Variants in MEI4 observed in about 807,000 individuals in gnomAD.
MEI4 encodes meiosis-specific protein MEI4.
A neutral mutation model predicts 31.4 loss-of-function variants in MEI4; 27 were observed. The observed-to-expected ratio is 0.86, with a 90% CI of 0.63 to 1.19. The LOEUF is 1.19. Ranked by LOEUF, MEI4 falls within the 50% of genes most tolerant of loss-of-function variation. The pLI, the probability that MEI4 is intolerant of heterozygous loss-of-function variation, is 0.00. For synonymous variants in MEI4, 122 were observed against 145.4 expected (o/e 0.84, Z 1.16); for missense variants, 329 against 398.9 (o/e 0.82, Z 1.49).
intron 4 of MEI4, among the ~76,000 whole-genome samples, chr6:77,883,973 A>T (rs1018958749): frequency 6.6e-6 from 1 of 151,612 alleles, no homozygotes; most frequent in African/African-American, 2.4e-5. Flanking sequence ...GACTATCCAG[A>T]TTTACATTCC....
At chr6:77,750,234 A>G (rs757221629) in intron 2 of MEI4, among the ~76,000 whole-genome samples, 6 of 152,216 alleles carry the variant, frequency 3.9e-5, no homozygotes, top group Non-Finnish European at 8.8e-5. Flanking sequence ...AGAAACAGCT[A>G]GCATCATAGT....
Position 77,746,578 on chromosome 6 carries a change from C to T in MEI4, c.233-14552C>T, listed in dbSNP as rs549056781. Among the ~76,000 whole-genome samples the T allele has an allele frequency of 2.6e-5, 4 of 151,908 alleles. No homozygotes were observed. The South Asian group carries it at 8.3e-4, about 32-fold the overall frequency. ...AGCTTGCTGACTGCAGATCTTGGTA[C>T]TTCTCAGCCTCCATGCTTGCTTCAG... is the stretch of plus-strand genomic sequence containing the variant. On this transcript the variant is annotated intron_variant, in intron 2 of 4. Transcript: ENST00000684080.
intron 4 of MEI4, among the ~76,000 whole-genome samples, chr6:77,921,861 A>G (rs1766710950): frequency 1.3e-5 from 2 of 151,802 alleles, no homozygotes; most frequent in African/African-American, 4.8e-5. Context: ...GGTTTGTGGT[A>G]TCTCAAAACA....
intron 4 of MEI4, among the ~76,000 whole-genome samples, chr6:77,840,994 G>A (rs1397563889): frequency 6.6e-6 from 1 of 152,038 alleles, no homozygotes; most frequent in Non-Finnish European, 1.5e-5. Context: ...TAGAACCTGT[G>A]AAAGAAATGC....
At chr6:77,696,194 A>G (rs1766035203) in intron 2 of MEI4, among the ~76,000 whole-genome samples, 1 of 152,158 alleles carries the variant, frequency 6.6e-6, no homozygotes. Context: ...TAGATATACA[A>G]TCATGTCATC....
chr6:77,771,805 G>A (rs2127686770), intron 3 of MEI4, among the ~76,000 whole-genome samples: 1 of 152,120 alleles, frequency 6.6e-6, no homozygotes, highest in East Asian at 1.9e-4. Context: ...GGTAGGAGGA[G>A]GGAGAAGACT....
At chr6:77,892,121 G>A (rs1404851705) in intron 4 of MEI4, among the ~76,000 whole-genome samples, 1 of 152,162 alleles carries the variant, frequency 6.6e-6, no homozygotes, top group Non-Finnish European at 1.5e-5. Context: ...GCAGTGGTGG[G>A]CTTGGTGGAC....
chr6:77,706,290 G>T (rs1029342149), intron 2 of MEI4, among the ~76,000 whole-genome samples: 8 of 152,166 alleles, frequency 5.3e-5, no homozygotes. Context: ...TTCAGAAGGG[G>T]TCCTTCCCTG....
At chr6:77,684,123 GA>G (rs1234184927) in intron 1 of MEI4, among the ~76,000 whole-genome samples, 1 of 152,072 alleles carries the variant, frequency 6.6e-6, no homozygotes, top group Non-Finnish European at 1.5e-5. Context: ...AATGATTACT[GA>G]TGTTGAGCTT....
intron 4 of MEI4, among the ~76,000 whole-genome samples, chr6:77,851,702 C>T (rs911570995): frequency 9.2e-5 from 14 of 151,674 alleles, no homozygotes; most frequent in African/African-American, 1.5e-4. Flanking sequence ...TTAATGGATG[C>T]GGCACACCAA....
At chr6:77,764,516 T>C (rs1383967265) in intron 3 of MEI4, among the ~76,000 whole-genome samples, 2 of 152,208 alleles carry the variant, frequency 1.3e-5, no homozygotes, top group African/African-American at 4.8e-5. Flanking sequence ...CATAGTGGAC[T>C]TTAATACCTC....
intron 4 of MEI4, among the ~76,000 whole-genome samples, chr6:77,851,421 G>A (rs1378696984): frequency 1.3e-5 from 2 of 152,036 alleles, no homozygotes; most frequent in African/African-American, 2.4e-5. Context: ...TTAAGAAAAT[G>A]TGGCACATAT....
chr6:77,798,998 G>A (rs1427979522), intron 3 of MEI4, among the ~76,000 whole-genome samples: 1 of 152,010 alleles, frequency 6.6e-6, no homozygotes, highest in East Asian at 1.9e-4. Context: ...AGTCCTTTGG[G>A]TATATACCCA....
intron 4 of MEI4, among the ~76,000 whole-genome samples, chr6:77,898,333 A>G (rs1035981122): frequency 6.6e-6 from 1 of 152,076 alleles, no homozygotes; most frequent in Admixed American, 6.6e-5. Flanking sequence ...CTGAATTATC[A>G]TGGTGACAAC....
At chr6:77,905,289 C>A (rs978653132) in intron 4 of MEI4, among the ~76,000 whole-genome samples, 1 of 151,846 alleles carries the variant, frequency 6.6e-6, no homozygotes, top group Non-Finnish European at 1.5e-5. Context: ...ACTAAAAACT[C>A]CTTTTTCAGT....
At chr6:77,908,432 C>T (rs1382189393) in intron 4 of MEI4, among the ~76,000 whole-genome samples, 1 of 152,072 alleles carries the variant, frequency 6.6e-6, no homozygotes, top group Non-Finnish European at 1.5e-5. Flanking sequence ...TTGTTTTTGT[C>T]AGGTTTTTAA....
chr6:77,745,893 G>A (rs1767586228), intron 2 of MEI4, among the ~76,000 whole-genome samples: 1 of 152,008 alleles, frequency 6.6e-6, no homozygotes, highest in Admixed American at 6.6e-5. Context: ...TGAAATGAAG[G>A]GAGAAATAAA....
At position 77,852,585 on chromosome 6, in the gene MEI4, G is replaced by GTTT. The variant is rs58175580; in HGVS notation, c.900+23533_900+23535dup. Among the ~76,000 whole-genome samples, 558 of 142,608 alleles carry GTTT rather than the reference G, an allele frequency of 3.9e-3. 4 individuals are homozygous for GTTT. The highest frequency in any genetic ancestry group is 0.014 in the East Asian group (67 of 4,864). 93.6% of individuals were successfully genotyped at this position (142,608 alleles called of 152,430 possible). A position where few individuals can be genotyped will look rare whatever the true frequency, so the allele number is the denominator to read the frequency against. On this transcript the variant is annotated intron_variant, in intron 4 of 4. Coordinates refer to ENST00000684080, the MANE Select transcript of MEI4 (RefSeq NM_001322247.2). ...TTGTTTTTGTTTTTTGTTGTTGTTT[G>GTTT]TTTTTTTTTTTTGTCTCACAGTTTT...
intron 3 of MEI4, among the ~76,000 whole-genome samples, chr6:77,791,067 C>T (rs1051828178): frequency 6.6e-5 from 10 of 152,010 alleles, no homozygotes; most frequent in African/African-American, 2.4e-4. Context: ...AATAGGAACA[C>T]TTTGACACTG....
Sources: allele counts gnomAD v4.1 joint callset (sites outside exome capture counted in the v4.1 genomes callset), GRCh38; gene constraint gnomAD v4.1.1; transcripts MANE v1.5; gene names NCBI Gene and HGNC (gene_info 2026-07-23, HGNC 2026-07-21).